LRRIQ1: variants seen among roughly 807,000 people sequenced by gnomAD.
LRRIQ1 encodes leucine rich repeats and IQ motif containing 1, also known as leucine-rich repeat- and IQ domain-containing protein 1.
Under a neutral mutation model 211.9 loss-of-function variants are expected in LRRIQ1, and 210 were observed. The observed-to-expected ratio is 0.99, with a 90% confidence interval of 0.89 to 1.11. The LOEUF (loss-of-function observed/expected upper bound fraction) is 1.11. LRRIQ1 is among the 50% of genes most tolerant of loss of function. LRRIQ1 has a pLI of 0.00. For missense variants in LRRIQ1, 2,136 were observed against 1,939.5 expected (o/e 1.10, Z -1.90); for synonymous variants, 699 against 650.1 (o/e 1.08, Z -1.14).
At chr12:85,265,846 C>A (rs1896406829), downstream of LRRIQ1, among the ~76,000 whole-genome samples, 1 of 152,044 alleles carries the variant, frequency 6.6e-6, no homozygotes, top group Non-Finnish European at 1.5e-5. Flanking sequence ...TTGGACGACA[C>A]TAACCTTGAA....
rs144975110 is a variant in LRRIQ1, at chr12:85,060,930, T to C, written c.2391+3746T>C. ...AAGGATTTGGGAAAATACAGATGAT[T>C]AAGTAGAAAATTGATTTGGAATCTG... On this transcript the variant is annotated intron_variant, in intron 8 of 26. Transcript: ENST00000393217. 5.3e-4 allele frequency among the ~76,000 whole-genome samples: 81 copies of C among 151,958 alleles called. 2 individuals are homozygous for C. In the East Asian group the frequency reaches 8.5e-3, roughly 16 times the overall value.
chr12:85,081,160 C>G (rs1300371877), intron 11 of LRRIQ1, among the ~76,000 whole-genome samples: 1 of 152,024 alleles, frequency 6.6e-6, no homozygotes, highest in Non-Finnish European at 1.5e-5. Context: ...GAAGAGGGCC[C>G]TAGAAGCCAA....
At chr12:85,067,973 A>G (rs1005664817) in intron 10 of LRRIQ1, among the ~76,000 whole-genome samples, 1 of 151,942 alleles carries the variant, frequency 6.6e-6, no homozygotes, top group Non-Finnish European at 1.5e-5. Context: ...ACCCACTGAA[A>G]TGCGACTCAG....
intron 18 of LRRIQ1, 91 bp from the exon 19 acceptor site, chr12:85,137,759 G>A: frequency 1.9e-6 from 2 of 1,063,090 alleles, no homozygotes; most frequent in Non-Finnish European, 2.6e-6. Flanking sequence ...TTAGGTCTAA[G>A]ATGTTTTATC....
At chr12:85,192,085 G>A (rs747825004) in intron 24 of LRRIQ1, among the ~76,000 whole-genome samples, 6 of 151,590 alleles carry the variant, frequency 4.0e-5, no homozygotes, top group Non-Finnish European at 8.8e-5. Flanking sequence ...AGATTATTCT[G>A]TCACTCAGGT....
intron 19 of LRRIQ1, among the ~76,000 whole-genome samples, chr12:85,143,535 A>G (rs1189020923): frequency 6.6e-6 from 1 of 151,572 alleles, no homozygotes; most frequent in African/African-American, 2.4e-5. Context: ...TTTTAAAATC[A>G]TTGCTCAGAC....
chr12:85,141,974 G>A (rs1889577119), intron 19 of LRRIQ1, among the ~76,000 whole-genome samples: 1 of 150,002 alleles, frequency 6.7e-6, no homozygotes, highest in South Asian at 2.1e-4. Context: ...ATTTTCTTTT[G>A]CCTGAAAGAC....
At chr12:85,212,421 A>T (rs900710276) in intron 24 of LRRIQ1, among the ~76,000 whole-genome samples, 4 of 152,156 alleles carry the variant, frequency 2.6e-5, no homozygotes, top group Admixed American at 6.6e-5. Context: ...ACGTTTTTTT[A>T]AATGGGCAGT....
At chr12:85,172,399 A>G (rs889304198) in intron 24 of LRRIQ1, among the ~76,000 whole-genome samples, 3 of 152,250 alleles carry the variant, frequency 2.0e-5, no homozygotes, top group Non-Finnish European at 4.4e-5. Context: ...GAATTAATGA[A>G]GTGACAATGG....
At chr12:85,227,418 G>A (rs1452465398) in intron 24 of LRRIQ1, among the ~76,000 whole-genome samples, 1 of 152,026 alleles carries the variant, frequency 6.6e-6, no homozygotes, top group Non-Finnish European at 1.5e-5. Context: ...TTTCTCTGAT[G>A]GCCAATGATG....
chr12:85,082,261 T>C (rs1293210681), intron 11 of LRRIQ1, among the ~76,000 whole-genome samples: 5 of 152,198 alleles, frequency 3.3e-5, no homozygotes, highest in African/African-American at 9.6e-5. Flanking sequence ...CTTTCACCAA[T>C]GCAGTTAAGA....
intron 15 of LRRIQ1, among the ~76,000 whole-genome samples, chr12:85,113,907 T>TTTTGTGTGTGTGTG (rs1239287833): frequency 1.4e-5 from 2 of 140,866 alleles, no homozygotes; most frequent in African/African-American, 2.7e-5. Context: ...CAAATGAGTT[T>TTTTGTGTGTGTGTG]TGTGTGTGTG....
intron 19 of LRRIQ1, among the ~76,000 whole-genome samples, chr12:85,147,806 C>T (rs919376666): frequency 6.6e-5 from 10 of 151,168 alleles, no homozygotes; most frequent in Non-Finnish European, 1.2e-4. Flanking sequence ...GACCTTCTCA[C>T]CTTGTTGGTC....
chr12:85,168,822 A>G (rs560957766), intron 24 of LRRIQ1, among the ~76,000 whole-genome samples: 3 of 152,334 alleles, frequency 2.0e-5, no homozygotes, highest in African/African-American at 7.2e-5. Context: ...CTTCAGCTTC[A>G]GATGATGGGG....
intron 24 of LRRIQ1, among the ~76,000 whole-genome samples, chr12:85,207,850 A>G (rs1043123375): frequency 6.6e-6 from 1 of 151,778 alleles, no homozygotes; most frequent in Non-Finnish European, 1.5e-5. Context: ...ATTTTTGTGG[A>G]TCTATTTCTG....
rs752443715 is a variant in LRRIQ1, at chr12:85,098,385, A to T, written c.2918A>T (p.Gln973Leu). 6 of 1,609,056 alleles carry T rather than the reference A, an allele frequency of 3.7e-6. No individual in the cohort carries two copies. The highest frequency in any genetic ancestry group is 4.2e-6 in the Non-Finnish European group (5 of 1,177,650). ...TTAGAATCTTTGAAAAATCTTCAAC[A>T]ACTAATTTTGGACCACAATCAGTTA... ...CGLESLKNLQQLILDHNQLIN... is the reference protein window; with the variant it reads ...CGLESLKNLQLLILDHNQLIN... Residue 973 changes from glutamine (Q) to leucine (L), a missense_variant, in exon 12 of 27, where the codon CAA becomes CTA. By Grantham distance (113) the Gln-to-Leu change is moderately radical (BLOSUM62 -2). Transcript: ENST00000393217.
chr12:85,102,221 A>C (rs2136298190), intron 13 of LRRIQ1, among the ~76,000 whole-genome samples: 1 of 151,702 alleles, frequency 6.6e-6, no homozygotes, highest in South Asian at 2.1e-4. Context: ...TAATTATGTA[A>C]AGGTAAAGCC....
chr12:85,039,947 A>G (rs919004777), intron 2 of LRRIQ1, among the ~76,000 whole-genome samples: 1 of 151,622 alleles, frequency 6.6e-6, no homozygotes, highest in African/African-American at 2.4e-5. Flanking sequence ...TGCATTTTGC[A>G]TATCAATATA....
intron 6 of LRRIQ1, chr12:85,047,722 C>G (rs1321978139): frequency 1.1e-5 from 4 of 349,836 alleles, no homozygotes; most frequent in Non-Finnish European, 2.1e-5. Flanking sequence ...CAAGGGTCAT[C>G]ATGGATAGCC....
Sources: gnomAD v4.1 joint callset for allele counts (sites outside exome capture counted in the v4.1 genomes callset) on GRCh38, gnomAD v4.1.1 for gene constraint, MANE v1.5 for transcripts, NCBI Gene and HGNC (gene_info 2026-07-23, HGNC 2026-07-21) for gene names.